MYO7B: variants seen among roughly 807,000 people sequenced by gnomAD.
The protein encoded by MYO7B is unconventional myosin-VIIb.
A neutral mutation model predicts 259.7 loss-of-function variants in MYO7B; 212 were observed. That is an observed-to-expected ratio of 0.82 (90% CI 0.73 to 0.91). MYO7B has a LOEUF of 0.91. Ranked by LOEUF, MYO7B falls within the 40% of genes least tolerant of loss-of-function variation. The pLI, the probability that MYO7B is intolerant of heterozygous loss-of-function variation, is 0.00. For missense variants in MYO7B, 2,732 were observed against 2,813.5 expected (o/e 0.97, Z 0.66); for synonymous variants, 1,197 against 1,166.4 (o/e 1.03, Z -0.54).
Position 127,636,251 on chromosome 2 carries a change from A to C in MYO7B, c.6050A>C (p.Glu2017Ala). ...AYDKHKDKTV[E>A]EAKVAFLKWI... is the part of the protein sequence containing the mutation. ...GACAAGCATAAGGACAAGACAGTGG[A>C]GGAGGCCAAGGTGGCCTTCCTGAAG... The change falls in exon 45 of 48, where the codon GAG becomes GCG. Residue 2017 changes from glutamate to alanine, a missense_variant. Coordinates refer to ENST00000409816, the MANE Select transcript of MYO7B (RefSeq NM_001393586.1). This position sits in a 1 kb window ranked among gnomAD's most constrained non-coding sequence, Gnocchi z 4.5. 3.7e-6 allele frequency: 6 copies of C among 1,613,642 alleles called. No individual in the cohort carries two copies. Among genetic ancestry groups the C allele is most frequent in the Non-Finnish European group, 5.1e-6 (6 of 1,179,804 alleles).
At chr2:127,604,064 T>C (rs1680068580) in intron 19 of MYO7B, among the ~76,000 whole-genome samples, 1 of 152,134 alleles carries the variant, frequency 6.6e-6, no homozygotes, top group East Asian at 1.9e-4. Flanking sequence ...ACCTGGGAAG[T>C]GGAGGTTGCA....
chr2:127,582,365 C>A lies in MYO7B; in HGVS notation c.1262C>A (p.Pro421Gln). 1 of 1,613,454 alleles carries A rather than the reference C, an allele frequency of 6.2e-7. No individual in the cohort carries two copies. ...AAGATCAATGCCGCCATCTTCACAC[C>A]ACCAGCCCAGGACCCCAAAAATGTG... Reference protein sequence around the residue: ...VKKINAAIFTPPAQDPKNVRR... With the variant: ...VKKINAAIFTQPAQDPKNVRR... Residue 421 changes from proline (P) to glutamine (Q), a missense_variant, in exon 12 of 48, where the codon CCA becomes CAA. Physicochemically the swap from Pro to Gln is moderately conservative, Grantham distance 76. Transcript: ENST00000409816.
chr2:127,625,595 C>T (rs2105097433), intron 31 of MYO7B, 60 bp downstream of exon 31: 6 of 1,488,300 alleles, frequency 4.0e-6, no homozygotes, highest in Non-Finnish European at 5.4e-6. Flanking sequence ...GGTGGGGGGG[C>T]TCATGGTATA....
intron 34 of MYO7B, 27 bp from the exon 35 acceptor site, chr2:127,629,618 C>T (rs746419294): frequency 1.2e-6 from 2 of 1,603,144 alleles, no homozygotes; most frequent in Non-Finnish European, 1.7e-6. Flanking sequence ...GCAGAGCCCT[C>T]AGCAAATAGC....
intron 6 of MYO7B, among the ~76,000 whole-genome samples, chr2:127,570,700 T>C (rs1301185261): frequency 6.6e-6 from 1 of 152,112 alleles, no homozygotes; most frequent in African/African-American, 2.4e-5. Flanking sequence ...CATCATGAAA[T>C]AGAATTTTCC....
At chr2:127,629,604 C>T in intron 34 of MYO7B, 41 bp from the exon 35 acceptor site, 1 of 1,578,516 alleles carries the variant, frequency 6.3e-7, no homozygotes, top group South Asian at 1.1e-5. Context: ...AGCCTCTGGC[C>T]CCTGCAGAGC....
intron 26 of MYO7B, among the ~76,000 whole-genome samples, chr2:127,618,866 G>A (rs1196788312): frequency 6.6e-6 from 1 of 152,204 alleles, no homozygotes. Context: ...GGCCAGGCAG[G>A]GCTGCTACAG....
intron 39 of MYO7B, 29 bp downstream of exon 39, chr2:127,632,430 T>C (rs1166465795): frequency 2.0e-6 from 3 of 1,505,460 alleles, no homozygotes; most frequent in Admixed American, 2.3e-5. Flanking sequence ...GCCCCCAGCA[T>C]TGGCCCTGGG....
rs1168919519 is a variant in MYO7B, at chr2:127,631,379, A to C, written c.5095+16A>C. Reference sequence around the variant, plus strand: ...ATCTTTGTCGATATCCTTCCCCACCAGCCTGCCTGCACCTCGTCAATGCCA... The same window carrying C: ...ATCTTTGTCGATATCCTTCCCCACCCGCCTGCCTGCACCTCGTCAATGCCA... On this transcript the variant is annotated intron_variant, in intron 37 of 47. Transcript: ENST00000409816. The C allele has an allele frequency of 6.3e-7, 1 of 1,596,840 alleles. No homozygotes were observed. The highest frequency in any genetic ancestry group is 8.6e-7 in the Non-Finnish European group (1 of 1,167,746).
At chr2:127,625,604 T>G in intron 31 of MYO7B, 69 bp downstream of exon 31, 1 of 1,427,980 alleles carries the variant, frequency 7.0e-7, no homozygotes, top group Non-Finnish European at 9.2e-7. Flanking sequence ...GCTCATGGTA[T>G]ACAGAGGAGA....
At chr2:127,631,048 G>A (rs1681470916) in intron 36 of MYO7B, 140 bp downstream of exon 36, 41 of 1,371,750 alleles carry the variant, frequency 3.0e-5, no homozygotes, top group Non-Finnish European at 3.8e-5. Flanking sequence ...CCCATGTGGA[G>A]CCTGCCTGGC....
chr2:127,593,348 C>T (rs559021321), intron 17 of MYO7B, among the ~76,000 whole-genome samples, 198 bp from the exon 18 acceptor site: 1 of 152,284 alleles, frequency 6.6e-6, no homozygotes, highest in East Asian at 1.9e-4. Flanking sequence ...TCCCACAGCA[C>T]ATGGAGGCCC....
chr2:127,606,798 G>C (rs1394017143), intron 20 of MYO7B, among the ~76,000 whole-genome samples: 1 of 152,200 alleles, frequency 6.6e-6, no homozygotes, highest in Non-Finnish European at 1.5e-5. Context: ...TCAGGGATTT[G>C]AGTGGCCACA....
intron 11 of MYO7B, 90 bp downstream of exon 11, chr2:127,582,100 A>G: frequency 6.3e-7 from 1 of 1,584,368 alleles, no homozygotes; most frequent in Non-Finnish European, 8.6e-7. Flanking sequence ...GATGGAGCAG[A>G]GGGCCCTGGG....
chr2:127,630,928 C>T lies in MYO7B; in HGVS notation c.4937+20C>T, dbSNP rs752546878. 48 of 1,547,942 alleles carry T rather than the reference C, an allele frequency of 3.1e-5. No individual in the cohort carries two copies. Among genetic ancestry groups the T allele is most frequent in the African/African-American group, 8.2e-5 (6 of 73,226 alleles). Reference sequence around the variant, plus strand: ...CTTCAGGTGCCCCCCAGCCCCGCTCCGCCTCATTGCACCCCCACCTCCCAG... The same window carrying T: ...CTTCAGGTGCCCCCCAGCCCCGCTCTGCCTCATTGCACCCCCACCTCCCAG... On this transcript the variant is annotated intron_variant, in intron 36 of 47. Coordinates refer to ENST00000409816, the MANE Select transcript of MYO7B (RefSeq NM_001393586.1).
chr2:127,610,122 C>G, intron 24 of MYO7B, 106 bp downstream of exon 24: 2 of 1,440,898 alleles, frequency 1.4e-6, no homozygotes, highest in Non-Finnish European at 1.9e-6. Flanking sequence ...AGACCTGGAG[C>G]CCTGTCCTCA....
intron 10 of MYO7B, among the ~76,000 whole-genome samples, chr2:127,581,542 A>G (rs1679096899): frequency 1.3e-5 from 2 of 152,038 alleles, no homozygotes. Flanking sequence ...GGCCCAGCAC[A>G]CTCTCTTGCT....
chr2:127,624,497 G>A (rs1239355542), intron 30 of MYO7B, among the ~76,000 whole-genome samples, 177 bp downstream of exon 30: 3 of 152,216 alleles, frequency 2.0e-5, no homozygotes, highest in Non-Finnish European at 4.4e-5. Context: ...TAGGCCACAG[G>A]TATGTCCAAG....
chr2:127,627,170 T>TCTCTCCTGGCCAGGCC lies in MYO7B; in HGVS notation c.4334-12_4337dup. ...GTCCCATGCAGCCTTCACACTGCCG[T>TCTCTCCTGGCCAGGCC]CTCTCCTGGCCAGGCCCCCGCCTGC... On this transcript the variant is annotated splice_polypyrimidine_tract_variant and intron_variant, in intron 32 of 47. Coordinates refer to ENST00000409816, the MANE Select transcript of MYO7B (RefSeq NM_001393586.1). The surrounding 1 kb of genome is among the most constrained non-coding windows in gnomAD (Gnocchi z 5.6). 3 of 1,605,564 alleles carry TCTCTCCTGGCCAGGCC rather than the reference T, an allele frequency of 1.9e-6. No homozygotes were observed. Among genetic ancestry groups the TCTCTCCTGGCCAGGCC allele is most frequent in the Non-Finnish European group, 2.6e-6 (3 of 1,176,282 alleles).
Sources: allele counts gnomAD v4.1 joint callset (sites outside exome capture counted in the v4.1 genomes callset), GRCh38; gene constraint gnomAD v4.1.1; non-coding constraint Gnocchi (gnomAD v3.1); transcripts MANE v1.5; gene names NCBI Gene and HGNC (gene_info 2026-07-23, HGNC 2026-07-21).